Variants in AUTS2 observed in about 807,000 individuals in gnomAD.
AUTS2 encodes the protein activator of transcription and developmental regulator AUTS2, also known as autism susceptibility gene 2 protein.
In AUTS2, 17 loss-of-function variants were observed where a neutral mutation model predicts 112.4. The ratio of observed to expected loss-of-function variants is 0.15; its 90% CI spans 0.10 to 0.23. AUTS2 has a LOEUF of 0.23. Among genes scored for constraint, AUTS2 ranks in the 10% least tolerant of loss-of-function variants. The pLI is 1.00. For synonymous variants in AUTS2, 751 were observed against 702.7 expected, an observed-to-expected ratio of 1.07 and a Z score of -1.09; for missense variants, 1,510 against 1,701.6, an observed-to-expected ratio of 0.89 and a Z score of 1.98.
intron 1 of AUTS2, among the ~76,000 whole-genome samples, chr7:69,885,318 C>T (rs1242650680): frequency 6.6e-6 from 1 of 151,932 alleles, no homozygotes. Flanking sequence ...GGTGTCATTC[C>T]CTGCCACTTT....
At chr7:70,132,217 G>T (rs7783748) in intron 3 of AUTS2, among the ~76,000 whole-genome samples, 32,081 of 149,720 alleles carry the variant, frequency 0.21, 3,433 homozygotes, top group Middle Eastern at 0.33. Flanking sequence ...CATGTGAATG[G>T]CTCCTGATAC....
At chr7:69,786,848 A>C (rs1471879292) in intron 1 of AUTS2, among the ~76,000 whole-genome samples, 4 of 152,244 alleles carry the variant, frequency 2.6e-5, no homozygotes, top group Admixed American at 6.5e-5. Flanking sequence ...AATCAAATAG[A>C]TGACATCAGA....
At chr7:70,486,001 T>TA (rs375156409) in intron 5 of AUTS2, among the ~76,000 whole-genome samples, 62 of 122,512 alleles carry the variant, frequency 5.1e-4, no homozygotes, top group Middle Eastern at 9.3e-3. Flanking sequence ...AATAAATAAA[T>TA]AATAAATAAA....
intron 4 of AUTS2, among the ~76,000 whole-genome samples, chr7:70,178,051 G>A (rs890886964): frequency 1.3e-5 from 2 of 151,782 alleles, no homozygotes; most frequent in Admixed American, 1.3e-4. Context: ...GAGTAGCTGG[G>A]GCTACAGGTG....
At chr7:70,588,908 G>A (rs1019239903) in intron 5 of AUTS2, among the ~76,000 whole-genome samples, 4 of 152,042 alleles carry the variant, frequency 2.6e-5, no homozygotes, top group African/African-American at 7.2e-5. Flanking sequence ...ATCTGAATTC[G>A]GGTATTTCTG....
At chr7:70,494,358 T>C (rs1393941276) in intron 5 of AUTS2, among the ~76,000 whole-genome samples, 1 of 152,168 alleles carries the variant, frequency 6.6e-6, no homozygotes, top group African/African-American at 2.4e-5. Flanking sequence ...TTTTTATCAC[T>C]CTTTATCTTG....
intron 2 of AUTS2, among the ~76,000 whole-genome samples, chr7:70,029,157 A>T (rs1390655864): frequency 6.6e-6 from 1 of 152,052 alleles, no homozygotes; most frequent in East Asian, 1.9e-4. Flanking sequence ...TGTAAAATGG[A>T]AACAGTGATA....
At position 69,665,537 on chromosome 7, in the gene AUTS2, C is replaced by T. The variant is rs994196847; in HGVS notation, c.309+65575C>T. Among the ~76,000 whole-genome samples, 11 of 152,266 alleles carry T rather than the reference C, an allele frequency of 7.2e-5. No homozygotes were observed. In the East Asian group the frequency reaches 1.2e-3, roughly 16 times the overall value. ...TTGCACTTACATAGTCAGGATCATACGGCATTGTGATCTATCCAGATTTCC... is the reference window on the plus strand; with the variant it reads ...TTGCACTTACATAGTCAGGATCATATGGCATTGTGATCTATCCAGATTTCC... On this transcript the variant is annotated intron_variant, in intron 1 of 18. Coordinates refer to ENST00000342771, the MANE Select transcript of AUTS2 (RefSeq NM_015570.4).
intron 1 of AUTS2, among the ~76,000 whole-genome samples, chr7:69,829,737 C>CA (rs1221710549): frequency 2.0e-5 from 3 of 152,118 alleles, no homozygotes; most frequent in Non-Finnish European, 4.4e-5. Flanking sequence ...CAAGAAACAA[C>CA]AGATGCTGGA....
At chr7:70,729,192 G>T (rs753440326) in intron 6 of AUTS2, 15 of 456,508 alleles carry the variant, frequency 3.3e-5, no homozygotes, top group African/African-American at 2.2e-4. Context: ...CCGGGGGTGG[G>T]GCTTGGAGCT....
At chr7:69,608,401 T>G (rs56800568) in intron 1 of AUTS2, among the ~76,000 whole-genome samples, 14,776 of 152,210 alleles carry the variant, frequency 0.097, 1,132 homozygotes, top group African/African-American at 0.21. Flanking sequence ...TTGTAAAGTT[T>G]CTGATGGCAG....
intron 4 of AUTS2, among the ~76,000 whole-genome samples, chr7:70,271,947 A>G (rs1197993111): frequency 6.6e-6 from 1 of 152,218 alleles, no homozygotes; most frequent in African/African-American, 2.4e-5. Context: ...TGTGTGCTGC[A>G]TACAAAATGA....
At chr7:70,210,547 A>G (rs1051427175) in intron 4 of AUTS2, among the ~76,000 whole-genome samples, 8 of 152,202 alleles carry the variant, frequency 5.3e-5, no homozygotes, top group Non-Finnish European at 1.5e-5. Context: ...TTTGACCATA[A>G]AAGTTATCTA....
At chr7:70,007,257 GT>G (rs965288549) in intron 2 of AUTS2, among the ~76,000 whole-genome samples, 1 of 152,064 alleles carries the variant, frequency 6.6e-6, no homozygotes, top group African/African-American at 2.4e-5. Flanking sequence ...TAGCCTTTCT[GT>G]CCCCCCCTAA....
chr7:69,798,425 T>A (rs1308103313), intron 1 of AUTS2, among the ~76,000 whole-genome samples: 1 of 152,228 alleles, frequency 6.6e-6, no homozygotes, highest in Non-Finnish European at 1.5e-5. Flanking sequence ...CAGTTCCATA[T>A]GCCTTTCCTT....
chr7:70,228,416 T>C (rs1020007509), intron 4 of AUTS2, among the ~76,000 whole-genome samples: 5 of 151,858 alleles, frequency 3.3e-5, no homozygotes, highest in African/African-American at 7.2e-5. Flanking sequence ...AATTTATTTA[T>C]AGTTAATATT....
At chr7:70,196,302 A>G (rs1375341520) in intron 4 of AUTS2, among the ~76,000 whole-genome samples, 1 of 152,222 alleles carries the variant, frequency 6.6e-6, no homozygotes, top group South Asian at 2.1e-4. Context: ...TGGGAAATCA[A>G]CTGGGCTTCA....
intron 2 of AUTS2, among the ~76,000 whole-genome samples, chr7:70,103,527 T>C (rs993067099): frequency 6.6e-6 from 1 of 152,294 alleles, no homozygotes; most frequent in African/African-American, 2.4e-5. Context: ...TTAGTTTCTT[T>C]GTAAAGGGGA....
chr7:70,747,741 C>T (rs1788547430), intron 6 of AUTS2, among the ~76,000 whole-genome samples: 1 of 152,198 alleles, frequency 6.6e-6, no homozygotes, highest in Non-Finnish European at 1.5e-5. Flanking sequence ...CCGCCTCAGC[C>T]TCCCCAAGTG....
Sources: gnomAD v4.1 joint callset for allele counts (sites outside exome capture counted in the v4.1 genomes callset) on GRCh38, gnomAD v4.1.1 for gene constraint, MANE v1.5 for transcripts, NCBI Gene and HGNC (gene_info 2026-07-23, HGNC 2026-07-21) for gene names.